TACR3: variants seen among roughly 807,000 people sequenced by gnomAD.
The protein encoded by TACR3 is neuromedin-K receptor.
In TACR3, 34 loss-of-function variants were observed where a neutral mutation model predicts 35.0. The ratio of observed to expected loss-of-function variants is 0.97; its 90% CI spans 0.74 to 1.30. The LOEUF (loss-of-function observed/expected upper bound fraction) is 1.30. Among genes scored for constraint, TACR3 ranks in the 50% most tolerant of loss-of-function variants. The pLI, the probability that TACR3 is intolerant of heterozygous loss-of-function variation, is 0.00. For missense variants in TACR3, 558 were observed against 591.7 expected, an observed-to-expected ratio of 0.94 and a Z score of 0.59; for synonymous variants, 233 against 221.1, an observed-to-expected ratio of 1.05 and a Z score of -0.48.
At chr4:103,693,340 G>A (rs186580680) in intron 1 of TACR3, among the ~76,000 whole-genome samples, 1 of 151,954 alleles carries the variant, frequency 6.6e-6, no homozygotes, top group African/African-American at 2.4e-5. Context: ...TATTTTTTAT[G>A]GGCAGACACA....
At chr4:103,691,351 G>A (rs1190880412) in intron 1 of TACR3, among the ~76,000 whole-genome samples, 1 of 152,152 alleles carries the variant, frequency 6.6e-6, no homozygotes, top group Non-Finnish European at 1.5e-5. Flanking sequence ...CAGTCTTAAA[G>A]GTTACATGTT....
chr4:103,625,457 A>G (rs529038800), intron 3 of TACR3, among the ~76,000 whole-genome samples: 49 of 152,316 alleles, frequency 3.2e-4, no homozygotes, highest in African/African-American at 1.2e-3. Context: ...GGAAAGTGGA[A>G]AAAAAACTGC....
chr4:103,663,237 T>C (rs1244963855), intron 1 of TACR3, among the ~76,000 whole-genome samples: 1 of 152,222 alleles, frequency 6.6e-6, no homozygotes, highest in Non-Finnish European at 1.5e-5. Flanking sequence ...CTCACACCTG[T>C]AACCCCAGCA....
chr4:103,686,858 T>G (rs1722253919), intron 1 of TACR3, among the ~76,000 whole-genome samples: 2 of 152,154 alleles, frequency 1.3e-5, no homozygotes, highest in South Asian at 2.1e-4. Context: ...ACTATTCCAA[T>G]CAATAGAAAA....
In TACR3 at chr4:103,589,942, A is replaced by C. The variant is rs771500112; in HGVS notation, c.1138T>G (p.Ser380Ala). Residue 380 changes from serine (S) to alanine (A), a missense_variant, in exon 5 of 5, where the codon TCC (serine) becomes GCC (alanine). Coordinates refer to ENST00000304883, the MANE Select transcript of TACR3 (RefSeq NM_001059.3). ...AFRWCPFIKV[S>A]SYDELELKTT... ...TTGAGCTCTAGCTCATCATAGCTGG[A>C]AACTTTGATGAAAGGACACCAGCGA... 4 of 1,613,856 alleles carry C rather than the reference A, an allele frequency of 2.5e-6. No individual in the cohort carries two copies. In the South Asian group the frequency reaches 4.4e-5, roughly 18 times the overall value.
At chr4:103,648,806 A>T (rs1037950017) in intron 3 of TACR3, among the ~76,000 whole-genome samples, 4 of 152,048 alleles carry the variant, frequency 2.6e-5, no homozygotes, top group African/African-American at 9.7e-5. Context: ...TGTACCTAGG[A>T]GTGGGATTGC....
chr4:103,682,155 T>C (rs1722113403), intron 1 of TACR3, among the ~76,000 whole-genome samples: 1 of 152,134 alleles, frequency 6.6e-6, no homozygotes, highest in African/African-American at 2.4e-5. Context: ...TTTTTAGAGA[T>C]GGAATCTTTC....
intron 1 of TACR3, among the ~76,000 whole-genome samples, chr4:103,665,702 G>T (rs972359433): frequency 6.6e-6 from 1 of 152,120 alleles, no homozygotes; most frequent in Non-Finnish European, 1.5e-5. Flanking sequence ...AAGTAACGTT[G>T]CCTCCAGGAT....
At chr4:103,595,308 C>T (rs551470156) in intron 3 of TACR3, among the ~76,000 whole-genome samples, 2 of 152,190 alleles carry the variant, frequency 1.3e-5, no homozygotes, top group South Asian at 4.1e-4. Flanking sequence ...AATCTCTCAT[C>T]GTGTCTTAAT....
chr4:103,667,034 G>C (rs1578249555), intron 1 of TACR3, among the ~76,000 whole-genome samples: 1 of 152,052 alleles, frequency 6.6e-6, no homozygotes, highest in African/African-American at 2.4e-5. Context: ...AAGGTGGGTG[G>C]ATCACCTGAG....
chr4:103,694,692 T>G (rs1722484248), intron 1 of TACR3, among the ~76,000 whole-genome samples: 2 of 152,176 alleles, frequency 1.3e-5, no homozygotes, highest in South Asian at 4.1e-4. Flanking sequence ...GAAGTTCATG[T>G]GTAATGAACT....
At chr4:103,695,613 G>A (rs79326371) in intron 1 of TACR3, among the ~76,000 whole-genome samples, 4,834 of 151,974 alleles carry the variant, frequency 0.032, 271 homozygotes, top group African/African-American at 0.11. Flanking sequence ...GTTTCGTGGG[G>A]TTCAAAATTA....
Position 103,655,500 on chromosome 4 carries a change from T to A in TACR3, c.888+694A>T, listed in dbSNP as rs1725713650. 2.0e-5 allele frequency among the ~76,000 whole-genome samples: 3 copies of A among 152,064 alleles called. No individual in the cohort carries two copies. In the South Asian group the frequency reaches 6.2e-4, roughly 31 times the overall value. On this transcript the variant is annotated intron_variant, in intron 3 of 4. Transcript: ENST00000304883. ...TAACTCCACAAATTTATGAAAAAAA[T>A]CTAACTTATTTAGTCGCATAACGAT...
At chr4:103,597,991 T>C in intron 3 of TACR3, among the ~76,000 whole-genome samples, 1 of 152,196 alleles carries the variant, frequency 6.6e-6, no homozygotes, top group Admixed American at 6.5e-5. Flanking sequence ...CTAGGTCAAA[T>C]GGTATTTCTA....
intron 1 of TACR3, among the ~76,000 whole-genome samples, chr4:103,666,690 T>G (rs928425416): frequency 1.3e-5 from 2 of 152,140 alleles, no homozygotes; most frequent in African/African-American, 2.4e-5. Context: ...ACTCAAAATT[T>G]CAGATAACAG....
chr4:103,589,712 T>A lies in TACR3; in HGVS notation c.1368A>T (p.Ser456=). ...SASATSSFIS[S]PYTSVDEYS ...AATATTCATCCACAGAGGTATAGGG[T>A]GAGCTTATGAAACTTGAAGTGGCGG... Residue 456 remains serine (S), a synonymous_variant, in exon 5 of 5, where the codon TCA becomes TCT. Coordinates refer to ENST00000304883, the MANE Select transcript of TACR3 (RefSeq NM_001059.3). 1 of 1,613,410 alleles carries A rather than the reference T, an allele frequency of 6.2e-7. No homozygotes were observed. The highest frequency in any genetic ancestry group is 1.1e-5 in the South Asian group (1 of 91,070).
In TACR3 at chr4:103,654,021, G is replaced by A. The variant is rs1725678595; in HGVS notation, c.888+2173C>T. 2.1e-5 allele frequency among the ~76,000 whole-genome samples: 3 copies of A among 142,180 alleles called. No individual in the cohort carries two copies. In the South Asian group the frequency reaches 6.5e-4, roughly 31 times the overall value. The allele number at this position is 142,180 out of a possible 152,430, so 93.3% of individuals were successfully genotyped here. On this transcript the variant is annotated intron_variant, in intron 3 of 4. Transcript: ENST00000304883. ...GATACCATCTCACACCAGTTAGAAT[G>A]GCGAGCATTAAAAAGTCAGGAAACA...
At chr4:103,718,998 C>A in intron 1 of TACR3, 130 bp downstream of exon 1, 1 of 1,345,106 alleles carries the variant, frequency 7.4e-7, no homozygotes, top group Non-Finnish European at 1.0e-6. Flanking sequence ...GTCCTCCTTT[C>A]AGCAAAAATT....
At position 103,634,740 on chromosome 4, in the gene TACR3, T is replaced by TA. The variant is rs1424638995; in HGVS notation, c.888+21453dup. Among the ~76,000 whole-genome samples the TA allele has an allele frequency of 1.3e-5, 2 of 152,124 alleles. 1 individual carries two copies. Among genetic ancestry groups the TA allele is most frequent in the African/African-American group, 4.8e-5 (2 of 41,446 alleles). ...TCCTCATTTTCTTAGCAATTAATCT[T>TA]AAAACAGAACTTTTTCACTTCCAGT... On this transcript the variant is annotated intron_variant, in intron 3 of 4. Transcript: ENST00000304883.
Sources: gnomAD v4.1 joint callset for allele counts (sites outside exome capture counted in the v4.1 genomes callset) on GRCh38, gnomAD v4.1.1 for gene constraint, MANE v1.5 for transcripts, NCBI Gene and HGNC (gene_info 2026-07-23, HGNC 2026-07-21) for gene names.